DHTKD1: variants seen among roughly 807,000 people sequenced by gnomAD.
The protein encoded by DHTKD1 is 2-oxoadipate dehydrogenase complex component E1.
In DHTKD1, 78 loss-of-function variants were observed where a neutral mutation model predicts 101.8. That is an observed-to-expected ratio of 0.77 (90% CI 0.64 to 0.93). DHTKD1 has a LOEUF of 0.93. Among genes scored for constraint, DHTKD1 ranks in the 40% least tolerant of loss-of-function variants. The pLI is 0.00. For missense variants in DHTKD1, 1,223 were observed against 1,161.7 expected (o/e 1.05, Z -0.77); for synonymous variants, 462 against 450.3 (o/e 1.03, Z -0.33).
intron 2 of DHTKD1, among the ~76,000 whole-genome samples, chr10:12,082,636 G>T (rs1384479477): frequency 4.0e-5 from 6 of 150,826 alleles, no homozygotes; most frequent in Admixed American, 3.3e-4. Context: ...TTTGAGACGG[G>T]CCTCCAAAGG....
Position 12,123,060 on chromosome 10 carries a change from T to C in DHTKD1, c.*2172T>C, listed in dbSNP as rs1481903776. 6.6e-6 allele frequency: 1 copy of C among 152,234 alleles called. No individual in the cohort carries two copies. The highest frequency in any genetic ancestry group is 2.4e-5 in the African/African-American group (1 of 41,458). The allele number at this position is 152,234 out of a possible 1,614,324, so 9.4% of individuals were successfully genotyped here. A position where few individuals can be genotyped will look rare whatever the true frequency, so the allele number is the denominator to read the frequency against. On this transcript the variant is annotated 3_prime_UTR_variant, in exon 17 of 17. Transcript: ENST00000263035. Reference sequence around the variant, plus strand: ...TATTCATATCCCTTTTCTTACCATATACCTCAGTGTATCCTTCCTGTGTCA... The same window carrying C: ...TATTCATATCCCTTTTCTTACCATACACCTCAGTGTATCCTTCCTGTGTCA...
At chr10:12,081,767 C>A in intron 2 of DHTKD1, 140 bp downstream of exon 2, 1 of 859,148 alleles carries the variant, frequency 1.2e-6, no homozygotes, top group Non-Finnish European at 1.8e-6. Flanking sequence ...TGTTGAAGTA[C>A]GGTCCGGGAG....
intron 13 of DHTKD1, among the ~76,000 whole-genome samples, chr10:12,115,942 T>C (rs1430876467): frequency 6.6e-6 from 1 of 151,472 alleles, no homozygotes; most frequent in Admixed American, 6.6e-5. Context: ...TTTTTTTTTT[T>C]TTTTTTGAGA....
At chr10:12,120,013 G>A (rs1232954965) in intron 15 of DHTKD1, among the ~76,000 whole-genome samples, 169 bp from the exon 16 acceptor site, 2 of 152,170 alleles carry the variant, frequency 1.3e-5, no homozygotes, top group East Asian at 1.9e-4. Context: ...TGTACCAACA[G>A]TGAAAAACAG....
At chr10:12,113,186 T>A (rs1307031532) in intron 13 of DHTKD1, 122 bp downstream of exon 13, 6 of 960,924 alleles carry the variant, frequency 6.2e-6, no homozygotes, top group Non-Finnish European at 9.0e-6. Context: ...TCAACTGACT[T>A]TGCTACTTTC....
intron 11 of DHTKD1, among the ~76,000 whole-genome samples, 162 bp downstream of exon 11, chr10:12,106,558 A>C (rs943848073): frequency 6.6e-6 from 1 of 152,142 alleles, no homozygotes; most frequent in Admixed American, 6.5e-5. Flanking sequence ...GAGTGTGGCC[A>C]CTGTCAGGTT....
chr10:12,117,862 TTTTATTTATTTATTTA>T (rs781435056), intron 14 of DHTKD1, 107 bp downstream of exon 14: 9 of 70,438 alleles, frequency 1.3e-4, no homozygotes, highest in African/African-American at 5.9e-4. Flanking sequence ...CCTCTCCTAT[TTTTATTTATTTATTTA>T]TTTATTTATT....
At chr10:12,118,198 C>T (rs1210364042) in intron 14 of DHTKD1, among the ~76,000 whole-genome samples, 1 of 151,704 alleles carries the variant, frequency 6.6e-6, no homozygotes, top group Non-Finnish European at 1.5e-5. Flanking sequence ...CCTCCTCTAT[C>T]CTAAGTCCTT....
At chr10:12,081,029 G>A (rs190971249) in intron 1 of DHTKD1, among the ~76,000 whole-genome samples, 13 of 151,936 alleles carry the variant, frequency 8.6e-5, no homozygotes, top group East Asian at 7.8e-4. Flanking sequence ...GGCCGGGTGC[G>A]GTGGCTCACG....
intron 10 of DHTKD1, among the ~76,000 whole-genome samples, chr10:12,102,278 G>T (rs540337132): frequency 2.1e-4 from 32 of 151,972 alleles, no homozygotes; most frequent in Non-Finnish European, 3.7e-4. Flanking sequence ...AGAAAAATTA[G>T]CTGGGTGTGG....
intron 1 of DHTKD1, among the ~76,000 whole-genome samples, chr10:12,073,392 G>A (rs1448682419): frequency 3.3e-5 from 5 of 151,744 alleles, no homozygotes; most frequent in African/African-American, 7.3e-5. Flanking sequence ...TGTCACCCAG[G>A]CAGGAGTGCA....
rs940701411 is a variant in DHTKD1 at position 12,122,229 on chromosome 10, T to G, written c.*1341T>G. 2.0e-5 allele frequency: 3 copies of G among 152,246 alleles called. No individual in the cohort carries two copies. The highest frequency in any genetic ancestry group is 4.4e-5 in the Non-Finnish European group (3 of 68,054). 9.4% of individuals were successfully genotyped at this position (152,246 alleles called of 1,614,324 possible). A position where few individuals can be genotyped will look rare whatever the true frequency, so the allele number is the denominator to read the frequency against. The stretch of plus-strand genomic sequence containing the variant: ...ACAGTGATATCTTACTATTTTTAAC[T>G]GTCTGGGGTTTCTGATATGGGGATT... On this transcript the variant is annotated 3_prime_UTR_variant, in exon 17 of 17. Transcript: ENST00000263035.
Position 12,069,684 on chromosome 10 carries a change from C to CTTTTT in DHTKD1, c.154+519_154+523dup, listed in dbSNP as rs11292752. Among the ~76,000 whole-genome samples, 22 of 25,486 alleles carry CTTTTT rather than the reference C, an allele frequency of 8.6e-4. 2 individuals are homozygous for CTTTTT. The highest frequency in any genetic ancestry group is 1.5e-3 in the East Asian group (1 of 678). 16.7% of individuals were successfully genotyped at this position (25,486 alleles called of 152,430 possible). A position where few individuals can be genotyped will look rare whatever the true frequency, so the allele number is the denominator to read the frequency against. ...GACACAGAGGGATGACCACGCCCAGCTTTTTTTTTTTTTTTTTTTTTTTTT... is the reference window on the plus strand; with the variant it reads ...GACACAGAGGGATGACCACGCCCAGCTTTTTTTTTTTTTTTTTTTTTTTTTTTTTT... On this transcript the variant is annotated intron_variant, in intron 1 of 16. Coordinates refer to ENST00000263035, the MANE Select transcript of DHTKD1 (RefSeq NM_018706.7).
intron 12 of DHTKD1, among the ~76,000 whole-genome samples, chr10:12,108,306 G>T (rs1833280505): frequency 6.6e-6 from 1 of 151,990 alleles, no homozygotes; most frequent in Non-Finnish European, 1.5e-5. Context: ...TTGAGATGGG[G>T]TCTCGCTCTG....
At chr10:12,070,148 C>A (rs1348887323) in intron 1 of DHTKD1, among the ~76,000 whole-genome samples, 1 of 152,086 alleles carries the variant, frequency 6.6e-6, no homozygotes, top group African/African-American at 2.4e-5. Flanking sequence ...TCTATTGACA[C>A]CTTGATATGT....
intron 13 of DHTKD1, among the ~76,000 whole-genome samples, chr10:12,116,572 G>A (rs1304521569): frequency 6.6e-6 from 1 of 150,942 alleles, no homozygotes; most frequent in Non-Finnish European, 1.5e-5. Flanking sequence ...TATAATTTTA[G>A]TAGAGACGGG....
Position 12,121,066 on chromosome 10 carries a change from A to G in DHTKD1, c.*178A>G, listed in dbSNP as rs1833519951. The G allele has an allele frequency of 1.3e-5, 6 of 467,954 alleles. No individual in the cohort carries two copies. The highest frequency in any genetic ancestry group is 2.4e-5 in the Non-Finnish European group (6 of 252,554). 29.0% of individuals were successfully genotyped at this position (467,954 alleles called of 1,614,324 possible). A position where few individuals can be genotyped will look rare whatever the true frequency, so the allele number is the denominator to read the frequency against. ...GAAACCCCGCCTCTACTAAAAATAC[A>G]AAAAATAGCCGGGTGTGGTGGTGGG... On this transcript the variant is annotated 3_prime_UTR_variant, in exon 17 of 17. Coordinates refer to ENST00000263035, the MANE Select transcript of DHTKD1 (RefSeq NM_018706.7).
chr10:12,073,916 A>G (rs1474750779), intron 1 of DHTKD1, among the ~76,000 whole-genome samples: 1 of 152,180 alleles, frequency 6.6e-6, no homozygotes, highest in East Asian at 1.9e-4. Flanking sequence ...AGCGTCTACC[A>G]TGTGTTAGTC....
At chr10:12,070,914 C>T (rs1034939879) in intron 1 of DHTKD1, among the ~76,000 whole-genome samples, 3 of 152,196 alleles carry the variant, frequency 2.0e-5, no homozygotes, top group Non-Finnish European at 4.4e-5. Context: ...AATGAACATA[C>T]GCTCCTGAGC....
Sources: allele counts gnomAD v4.1 joint callset (sites outside exome capture counted in the v4.1 genomes callset), GRCh38; gene constraint gnomAD v4.1.1; transcripts MANE v1.5; gene names NCBI Gene and HGNC (gene_info 2026-07-23, HGNC 2026-07-21).